PIK3C2G: variants seen among roughly 807,000 people sequenced by gnomAD.
PIK3C2G encodes phosphatidylinositol 3-kinase C2 domain-containing subunit gamma.
PIK3C2G carries 168 observed loss-of-function variants against 181.1 expected under a neutral mutation model. That is an observed-to-expected ratio of 0.93 (90% confidence interval 0.82 to 1.05). The LOEUF is 1.05. Among genes scored for constraint, PIK3C2G ranks in the 50% least tolerant of loss-of-function variants. The pLI is 0.00. For missense variants in PIK3C2G, 1,869 were observed against 1,732.8 expected (o/e 1.08, Z -1.40); for synonymous variants, 573 against 592.2 (o/e 0.97, Z 0.47).
chr12:18,611,125 A>C (rs984733233), intron 31 of PIK3C2G, among the ~76,000 whole-genome samples: 7 of 152,134 alleles, frequency 4.6e-5, no homozygotes, highest in African/African-American at 1.7e-4. Flanking sequence ...AGATGAAATT[A>C]CAGTACCAAT....
At chr12:18,353,881 G>C (rs1940462839) in intron 11 of PIK3C2G, among the ~76,000 whole-genome samples, 1 of 152,140 alleles carries the variant, frequency 6.6e-6, no homozygotes, top group South Asian at 2.1e-4. Flanking sequence ...TAGTTGAGAG[G>C]CTTGGTCCAA....
chr12:18,439,888 G>A (rs375525248), intron 18 of PIK3C2G, among the ~76,000 whole-genome samples: 39 of 151,960 alleles, frequency 2.6e-4, no homozygotes, highest in African/African-American at 4.1e-4. Context: ...TGTAAAATAC[G>A]TTTATTTTAT....
At chr12:18,464,695 A>G (rs1159291533) in intron 18 of PIK3C2G, among the ~76,000 whole-genome samples, 1 of 152,114 alleles carries the variant, frequency 6.6e-6, no homozygotes, top group Non-Finnish European at 1.5e-5. Context: ...CCCTGCATAA[A>G]TAGAATTGTA....
intron 15 of PIK3C2G, among the ~76,000 whole-genome samples, chr12:18,394,723 G>C (rs543846632): frequency 6.6e-6 from 1 of 151,902 alleles, no homozygotes; most frequent in Non-Finnish European, 1.5e-5. Flanking sequence ...TGAGCTTGAA[G>C]ACAGGGCAAT....
chr12:18,550,536 T>A (rs1396469786), intron 26 of PIK3C2G, among the ~76,000 whole-genome samples: 1 of 151,548 alleles, frequency 6.6e-6, no homozygotes. Flanking sequence ...AAAAAAAAAA[T>A]GGTTTGTCAT....
the PIK3C2G span, among the ~76,000 whole-genome samples, chr12:18,675,823 A>T: frequency 2.4e-3 from 370 of 152,178 alleles, no homozygotes; most frequent in African/African-American, 8.4e-3. Flanking sequence ...CAATAAGTAC[A>T]AATGAACAGA....
chr12:18,609,389 G>A lies in PIK3C2G; in HGVS notation c.4088-146G>A, dbSNP rs1470716229. On this transcript the variant is annotated intron_variant, in intron 30 of 32. Coordinates refer to ENST00000538779, the MANE Select transcript of PIK3C2G (RefSeq NM_001288772.2). ...ATCTCTATGTAACCAACTGCCTCCT[G>A]AAGAGCATTAAGATTCTTCAACATT... is the stretch of plus-strand genomic sequence containing the variant. 7.4e-6 allele frequency: 4 copies of A among 541,956 alleles called. No individual in the cohort carries two copies. In the East Asian group the frequency reaches 9.1e-5, roughly 12 times the overall value. 33.6% of individuals were successfully genotyped at this position (541,956 alleles called of 1,614,324 possible).
intron 12 of PIK3C2G, among the ~76,000 whole-genome samples, chr12:18,367,863 T>C (rs1941753487): frequency 6.6e-6 from 1 of 152,156 alleles, no homozygotes; most frequent in Non-Finnish European, 1.5e-5. Flanking sequence ...TGAGACTGGA[T>C]AATTTATAAA....
intron 15 of PIK3C2G, among the ~76,000 whole-genome samples, chr12:18,393,797 T>C (rs1943693582): frequency 1.3e-5 from 2 of 152,128 alleles, no homozygotes; most frequent in Non-Finnish European, 1.5e-5. Context: ...TCACTTTCTA[T>C]ACCTGGGTCC....
chr12:18,251,566 T>C (rs1244918002), intron 1 of PIK3C2G, among the ~76,000 whole-genome samples: 2 of 152,022 alleles, frequency 1.3e-5, no homozygotes, highest in East Asian at 1.9e-4. Flanking sequence ...TTTTATGAAA[T>C]TATCTTCACA....
At chr12:18,518,906 G>A (rs2136172407) in intron 24 of PIK3C2G, among the ~76,000 whole-genome samples, 1 of 152,316 alleles carries the variant, frequency 6.6e-6, no homozygotes, top group East Asian at 1.9e-4. Flanking sequence ...TGCTTTAGCT[G>A]TGTCCCAGAG....
chr12:18,266,707 T>G (rs1406149176), intron 1 of PIK3C2G, among the ~76,000 whole-genome samples: 1 of 152,170 alleles, frequency 6.6e-6, no homozygotes, highest in Non-Finnish European at 1.5e-5. Context: ...TTTAGAACTA[T>G]GTAGACATAG....
intron 29 of PIK3C2G, among the ~76,000 whole-genome samples, chr12:18,583,599 G>A (rs1946615808): frequency 6.6e-6 from 1 of 152,102 alleles, no homozygotes; most frequent in African/African-American, 2.4e-5. Context: ...CCAGCACAGA[G>A]CACCCACCAC....
At chr12:18,373,256 G>A (rs993203590) in intron 13 of PIK3C2G, among the ~76,000 whole-genome samples, 1 of 152,104 alleles carries the variant, frequency 6.6e-6, no homozygotes, top group Non-Finnish European at 1.5e-5. Flanking sequence ...CCTTTCGGGG[G>A]TAATCCCTGC....
chr12:18,605,891 G>A (rs779061423), intron 30 of PIK3C2G, among the ~76,000 whole-genome samples: 41 of 152,014 alleles, frequency 2.7e-4, no homozygotes, highest in African/African-American at 7.2e-4. Context: ...AACCTGCACC[G>A]TTTATTGTCT....
chr12:18,692,972 A>G, the PIK3C2G span: 1 of 1,436,262 alleles, frequency 7.0e-7, no homozygotes, highest in Non-Finnish European at 9.8e-7. Context: ...TACTGAAGTT[A>G]GAGAGAATTA....
In PIK3C2G at chr12:18,366,104, TA is replaced by T. The variant is rs554435663; in HGVS notation, c.1748+3222del. On this transcript the variant is annotated intron_variant, in intron 12 of 32. Transcript: ENST00000538779. ...TGCACAGCAGCTAAAGTTGTCTCTTTAAAATATCAGTCAAGGCATGTCATTC... is the reference window on the plus strand; with the variant it reads ...TGCACAGCAGCTAAAGTTGTCTCTTTAAATATCAGTCAAGGCATGTCATTC... Among the ~76,000 whole-genome samples the T allele has an allele frequency of 2.9e-4, 44 of 152,306 alleles. 1 individual carries two copies. In the East Asian group the frequency reaches 8.3e-3, roughly 29 times the overall value.
intron 30 of PIK3C2G, among the ~76,000 whole-genome samples, chr12:18,594,819 T>G (rs2136495547): frequency 6.6e-6 from 1 of 152,180 alleles, no homozygotes; most frequent in Middle Eastern, 3.4e-3. Flanking sequence ...GTCACTAGTC[T>G]CTCAAGAAAA....
rs1032324838 is a variant in PIK3C2G, at chr12:18,282,284, CA to C, written c.204del (p.Pro69GlnfsTer10). ...IDENTFFVPT[A>X]PKWDSTGHSL... ...GAAAACACCTTTTTTGTGCCCACTG[CA>C]CCAAAATGGGACTCAACAGGGCATT... On this transcript the variant is annotated frameshift_variant, in exon 2 of 33. Transcript: ENST00000538779. LOFTEE classifies it high-confidence loss of function. 7.4e-6 allele frequency: 12 copies of C among 1,613,234 alleles called. No homozygotes were observed. The highest frequency in any genetic ancestry group is 1.6e-4 in the Middle Eastern group (1 of 6,084).
Sources: allele counts gnomAD v4.1 joint callset (sites outside exome capture counted in the v4.1 genomes callset), GRCh38; gene constraint gnomAD v4.1.1; transcripts MANE v1.5; gene names NCBI Gene and HGNC (gene_info 2026-07-23, HGNC 2026-07-21).